The following XPO4 variants were observed in gnomAD, a reference collection of about 807,000 sequenced individuals.
The protein encoded by XPO4 is exportin-4.
A neutral mutation model predicts 143.0 loss-of-function variants in XPO4; 39 were observed. That is an observed-to-expected ratio of 0.27 (90% CI 0.21 to 0.36). The LOEUF (loss-of-function observed/expected upper bound fraction) is 0.36. XPO4 is among the 10% of genes least tolerant of loss of function. The pLI is 1.00. For missense variants in XPO4, 907 were observed against 1,348.0 expected (o/e 0.67, Z 5.12); for synonymous variants, 439 against 474.0 (o/e 0.93, Z 0.96).
chr13:20,858,405 T>C (rs79234462), intron 3 of XPO4, among the ~76,000 whole-genome samples: 3,226 of 152,266 alleles, frequency 0.021, 122 homozygotes, highest in African/African-American at 0.074. Context: ...TCATGATGTC[T>C]GTGGCACTCT....
In XPO4 at chr13:20,777,736, A is replaced by C. The variant is rs991068115; in HGVS notation, c.*5986T>G. 1 of 152,158 alleles carries C rather than the reference A, an allele frequency of 6.6e-6. No homozygotes were observed. The allele number at this position is 152,158 out of a possible 1,614,324, so 9.4% of individuals were successfully genotyped here. On this transcript the variant is annotated 3_prime_UTR_variant, in exon 23 of 23. Coordinates refer to ENST00000255305, the MANE Select transcript of XPO4 (RefSeq NM_022459.5). ...GGAATAAAAATGTTTAGCAGATCCT[A>C]TTTGCTTTTGTTCATTCATCATCTC...
intron 1 of XPO4, among the ~76,000 whole-genome samples, chr13:20,894,397 C>G (rs888070175): frequency 1.3e-5 from 2 of 152,118 alleles, no homozygotes; most frequent in African/African-American, 4.8e-5. Context: ...TTAAACAAAT[C>G]TGTGGAAATG....
At chr13:20,885,110 G>A (rs984091242) in intron 1 of XPO4, among the ~76,000 whole-genome samples, 16 of 151,996 alleles carry the variant, frequency 1.1e-4, no homozygotes, top group African/African-American at 1.7e-4. Flanking sequence ...GCGCCACCAC[G>A]CTGGCTAATT....
chr13:20,885,351 C>G (rs984017724), intron 1 of XPO4, among the ~76,000 whole-genome samples: 1 of 152,056 alleles, frequency 6.6e-6, no homozygotes, highest in Non-Finnish European at 1.5e-5. Context: ...AAAATGTTTA[C>G]TGTGGTCAAT....
intron 22 of XPO4, 141 bp downstream of exon 22, chr13:20,786,824 G>A: frequency 1.7e-6 from 1 of 573,602 alleles, no homozygotes; most frequent in East Asian, 3.2e-5. Context: ...AAGAAGCTAA[G>A]AAATACTTCC....
At chr13:20,868,034 T>C (rs1305858769) in intron 2 of XPO4, among the ~76,000 whole-genome samples, 1 of 152,182 alleles carries the variant, frequency 6.6e-6, no homozygotes, top group Non-Finnish European at 1.5e-5. Context: ...TTTCTGTACA[T>C]GTCAGACATA....
intron 1 of XPO4, among the ~76,000 whole-genome samples, chr13:20,889,638 T>A (rs1227912572): frequency 6.6e-6 from 1 of 152,194 alleles, no homozygotes; most frequent in African/African-American, 2.4e-5. Flanking sequence ...CAACAATCAA[T>A]GAACGAACAT....
chr13:20,824,092 A>C (rs972581165), intron 7 of XPO4, among the ~76,000 whole-genome samples: 2 of 152,248 alleles, frequency 1.3e-5, no homozygotes, highest in Non-Finnish European at 2.9e-5. Flanking sequence ...AGTGTTTACT[A>C]TCTGGCCCTA....
At position 20,902,664 on chromosome 13, in the gene XPO4, C is replaced by T; in HGVS notation, c.69+6G>A. 1 of 1,571,680 alleles carries T rather than the reference C, an allele frequency of 6.4e-7. No individual in the cohort carries two copies. Among genetic ancestry groups the T allele is most frequent in the Non-Finnish European group, 8.6e-7 (1 of 1,159,626 alleles). On this transcript the variant is annotated splice_donor_region_variant and intron_variant, in intron 1 of 22. Coordinates refer to ENST00000255305, the MANE Select transcript of XPO4 (RefSeq NM_022459.5). ...TCCCGGGGTCTGAGGGGCGCGGCGTCCTCACCATCAGAACTTTAGCCGCGT... is the reference window on the plus strand; with the variant it reads ...TCCCGGGGTCTGAGGGGCGCGGCGTTCTCACCATCAGAACTTTAGCCGCGT...
At position 20,793,456 on chromosome 13, in the gene XPO4, T is replaced by C. The variant is rs1030419681; in HGVS notation, c.2797+2620A>G. 8.1e-4 allele frequency among the ~76,000 whole-genome samples: 124 copies of C among 152,330 alleles called. 1 individual carries two copies. Among genetic ancestry groups the C allele is most frequent in the African/African-American group, 2.7e-3 (114 of 41,576 alleles). On this transcript the variant is annotated intron_variant, in intron 18 of 22. Transcript: ENST00000255305. Reference sequence around the variant, plus strand: ...TAGCTTTATTGTTTGCTCTACAATTTGTTCTTAGAATGGCAGATGGGAGGA... The same window carrying C: ...TAGCTTTATTGTTTGCTCTACAATTCGTTCTTAGAATGGCAGATGGGAGGA...
intron 18 of XPO4, among the ~76,000 whole-genome samples, chr13:20,794,388 AT>A (rs1382237247): frequency 6.6e-6 from 1 of 152,204 alleles, no homozygotes; most frequent in African/African-American, 2.4e-5. Flanking sequence ...CAATGAGCTG[AT>A]TTATGATACA....
At chr13:20,831,033 C>G (rs139188713) in intron 6 of XPO4, among the ~76,000 whole-genome samples, 1 of 151,988 alleles carries the variant, frequency 6.6e-6, no homozygotes, top group African/African-American at 2.4e-5. Context: ...CAGGTATTCT[C>G]AAATGACTAT....
chr13:20,796,063 C>A lies in XPO4; in HGVS notation c.2797+13G>T. The A allele has an allele frequency of 6.2e-7, 1 of 1,600,258 alleles. No individual in the cohort carries two copies. Among genetic ancestry groups the A allele is most frequent in the Non-Finnish European group, 8.5e-7 (1 of 1,172,634 alleles). ...TAACAACAAAGTTTAAAAACCATCA[C>A]GTTACATTTTACCTGTATCACTGAA... On this transcript the variant is annotated intron_variant, in intron 18 of 22. Transcript: ENST00000255305.
intron 6 of XPO4, among the ~76,000 whole-genome samples, chr13:20,833,741 G>C (rs1335218188): frequency 6.6e-6 from 1 of 152,038 alleles, no homozygotes; most frequent in Non-Finnish European, 1.5e-5. Context: ...GCAAAAGAAA[G>C]CCAACCTGGT....
intron 6 of XPO4, among the ~76,000 whole-genome samples, chr13:20,836,522 C>G (rs573154130): frequency 6.6e-6 from 1 of 152,286 alleles, no homozygotes; most frequent in East Asian, 1.9e-4. Context: ...TGGACCACCT[C>G]TCCTATTTCC....
In XPO4 at chr13:20,803,594, T is replaced by G. The variant is rs146811823; in HGVS notation, c.1818-2604A>C. The stretch of plus-strand genomic sequence containing the variant: ...CCCTTTAAATTTATCACCCATGGAA[T>G]AGTATCTCTAAAATATTTTGATCAC... On this transcript the variant is annotated intron_variant, in intron 13 of 22. Transcript: ENST00000255305. This position sits in a 1 kb window ranked among gnomAD's most constrained non-coding sequence, Gnocchi z 4.1. Among the ~76,000 whole-genome samples the G allele has an allele frequency of 6.6e-6, 1 of 152,184 alleles. No individual in the cohort carries two copies. The highest frequency in any genetic ancestry group is 1.5e-5 in the Non-Finnish European group (1 of 68,034).
chr13:20,789,763 C>A (rs1056096757), intron 19 of XPO4, among the ~76,000 whole-genome samples: 3 of 152,000 alleles, frequency 2.0e-5, no homozygotes, highest in Non-Finnish European at 4.4e-5. Context: ...TGTGTGTGTG[C>A]ACACGCATGC....
At chr13:20,832,847 T>C (rs888292246) in intron 6 of XPO4, among the ~76,000 whole-genome samples, 2 of 152,112 alleles carry the variant, frequency 1.3e-5, no homozygotes, top group African/African-American at 4.8e-5. Flanking sequence ...GGAAATCCAA[T>C]TTAGGTGAAA....
intron 6 of XPO4, 38 bp from the exon 7 acceptor site, chr13:20,827,217 A>C (rs757927739): frequency 4.2e-6 from 6 of 1,430,156 alleles, no homozygotes; most frequent in Admixed American, 3.3e-5. Flanking sequence ...TAACATTCTT[A>C]CTTTGTCTAA....
Sources: gnomAD v4.1 joint callset for allele counts (sites outside exome capture counted in the v4.1 genomes callset) on GRCh38, gnomAD v4.1.1 for gene constraint, Gnocchi (gnomAD v3.1) non-coding constraint, MANE v1.5 for transcripts, NCBI Gene and HGNC (gene_info 2026-07-23, HGNC 2026-07-21) for gene names.